SLC18A3: variants seen among roughly 807,000 people sequenced by gnomAD.
SLC18A3 encodes the protein solute carrier family 18 member A3.
Under a neutral mutation model 24.2 loss-of-function variants are expected in SLC18A3, and 18 were observed. That is an observed-to-expected ratio of 0.74 (90% CI 0.51 to 1.10). SLC18A3 has a LOEUF of 1.10. Ranked by LOEUF, SLC18A3 falls within the 50% of genes least tolerant of loss-of-function variation. The pLI is 0.00. For missense variants in SLC18A3, 744 were observed against 750.7 expected, an observed-to-expected ratio of 0.99 and a Z score of 0.10; for synonymous variants, 415 against 355.4, an observed-to-expected ratio of 1.17 and a Z score of -1.89.
At position 49,611,552 on chromosome 10, in the gene SLC18A3, G is replaced by C. The variant is rs1403471491; in HGVS notation, c.812G>C (p.Arg271Pro). ...GCCAAACCCTTCTCGGCGGCTGCACGGGCTCGGGCCAACCTGCCAGTGGGC... is the reference window on the plus strand; with the variant it reads ...GCCAAACCCTTCTCGGCGGCTGCACCGGCTCGGGCCAACCTGCCAGTGGGC... ...AVAKPFSAAA[R>P]ARANLPVGTP... Residue 271 changes from arginine to proline, a missense_variant, in exon 1 of 1, where the codon CGG becomes CCG. Arg to Pro is a moderately radical substitution (Grantham distance 103). Transcript: ENST00000374115. 1.9e-6 allele frequency: 3 copies of C among 1,604,522 alleles called. No individual in the cohort carries two copies. The highest frequency in any genetic ancestry group is 1.1e-5 in the South Asian group (1 of 91,080).
Position 49,612,691 on chromosome 10 carries a change from C to A in SLC18A3, c.*352C>A. The A allele has an allele frequency of 3.6e-6, 1 of 281,480 alleles. No homozygotes were observed. Among genetic ancestry groups the A allele is most frequent in the Non-Finnish European group, 7.0e-6 (1 of 143,652 alleles). The allele number at this position is 281,480 out of a possible 1,614,324, so 17.4% of individuals were successfully genotyped here. On this transcript the variant is annotated 3_prime_UTR_variant, in exon 1 of 1. Transcript: ENST00000374115. ...GGCCGCTGCACCGCGGCGCCTCCGC[C>A]CAAATCAATAAACTGTGTCTGTCCC...
At position 49,611,682 on chromosome 10, in the gene SLC18A3, GTGGA is replaced by G; in HGVS notation, c.945_948del (p.Trp315Ter). On this transcript the variant is annotated frameshift_variant, in exon 1 of 1. Coordinates refer to ENST00000374115, the MANE Select transcript of SLC18A3 (RefSeq NM_003055.3). LOFTEE classifies it high-confidence loss of function. ...CCTTCCTCGAACCCACCATTGCCAC[GTGGA>G]TGAAGCATACGATGGCGGCTTCCGA... 4 of 1,610,760 alleles carry G rather than the reference GTGGA, an allele frequency of 2.5e-6. No individual in the cohort carries two copies. Among genetic ancestry groups the G allele is most frequent in the Non-Finnish European group, 3.4e-6 (4 of 1,179,978 alleles).
Position 49,611,934 on chromosome 10 carries a change from C to G in SLC18A3, c.1194C>G (p.Asp398Glu), listed in dbSNP as rs192440196. 25 of 1,612,566 alleles carry G rather than the reference C, an allele frequency of 1.6e-5. No homozygotes were observed. The East Asian group carries it at 5.4e-4, about 35-fold the overall frequency. ...CGLCFGIALV[D>E]TALLPTLAFL... ...TCTGTTTTGGCATAGCCCTAGTCGACACAGCACTGCTGCCCACGCTCGCCT... is the reference window on the plus strand; with the variant it reads ...TCTGTTTTGGCATAGCCCTAGTCGAGACAGCACTGCTGCCCACGCTCGCCT... The change falls in exon 1 of 1, where the codon GAC becomes GAG. Residue 398 changes from aspartate (D) to glutamate (E), a missense_variant. Around this residue, in one of 3 missense-constraint regions of SLC18A3, gnomAD observed 566 missense variants for 566.2 expected, o/e 1.00. Transcript: ENST00000374115.
Position 49,611,883 on chromosome 10 carries a change from G to T in SLC18A3, c.1143G>T (p.Ala381=), listed in dbSNP as rs777864075. Residue 381 remains alanine (A), a synonymous_variant, in exon 1 of 1, where the codon GCG becomes GCT. Coordinates refer to ENST00000374115, the MANE Select transcript of SLC18A3 (RefSeq NM_003055.3). ...SCIVPACRSF[A]PLVVSLCGLC... The stretch of plus-strand genomic sequence containing the variant: ...TCGTGCCCGCCTGCCGCTCCTTCGC[G>T]CCGCTAGTGGTCTCACTATGCGGCC... 39 of 1,609,582 alleles carry T rather than the reference G, an allele frequency of 2.4e-5. 1 individual carries two copies. In the South Asian group the frequency reaches 3.6e-4, roughly 15 times the overall value.
rs200368763 is a variant in SLC18A3, at chr10:49,612,240, T to C, written c.1500T>C (p.Arg500=). ...PQGLYDAVRL[R]ERPVSGQDGE... ...GTCTGTACGATGCGGTGCGCCTGCG[T>C]GAGCGTCCTGTGTCTGGCCAGGACG... is the stretch of plus-strand genomic sequence containing the variant. The change falls in exon 1 of 1, where the codon CGT becomes CGC. Residue 500 remains arginine (R), a synonymous_variant. Coordinates refer to ENST00000374115, the MANE Select transcript of SLC18A3 (RefSeq NM_003055.3). 1.7e-5 allele frequency: 27 copies of C among 1,609,888 alleles called. No homozygotes were observed. In the Admixed American group the frequency reaches 1.8e-4, roughly 11 times the overall value.
Position 49,610,739 on chromosome 10 carries a change from G to A in SLC18A3, c.-2G>A. On this transcript the variant is annotated 5_prime_UTR_variant, in exon 1 of 1. Transcript: ENST00000374115. The stretch of plus-strand genomic sequence containing the variant: ...TCCTCGGAAGAGCATCGGGGTGGGG[G>A]CATGGAATCCGCGGAACCTGCGGGC... 6.6e-7 allele frequency: 1 copy of A among 1,512,338 alleles called. No individual in the cohort carries two copies. The highest frequency in any genetic ancestry group is 8.8e-7 in the Non-Finnish European group (1 of 1,133,326). The allele number at this position is 1,512,338 out of a possible 1,614,324, so 93.7% of individuals were successfully genotyped here.
In SLC18A3 at chr10:49,612,068, T is replaced by A; in HGVS notation, c.1328T>A (p.Val443Glu). The change falls in exon 1 of 1, where the codon GTG becomes GAG. Residue 443 changes from valine (V) to glutamate (E), a missense_variant. By Grantham distance (121) the Val-to-Glu change is moderately radical. Around this residue, in one of 3 missense-constraint regions of SLC18A3, gnomAD observed 160 missense variants for 140.9 expected, o/e 1.14. Transcript: ENST00000374115. ...GGGCCCATAGTGGCAGGCCACATTG[T>A]GCACTCGCTGGGCTTTGAGCAGCTC... Reference protein sequence around the residue: ...ALGPIVAGHIVHSLGFEQLSL... With the variant: ...ALGPIVAGHIEHSLGFEQLSL... 5.0e-6 allele frequency: 8 copies of A among 1,613,620 alleles called. No homozygotes were observed. The highest frequency in any genetic ancestry group is 6.8e-6 in the Non-Finnish European group (8 of 1,179,966).
rs1350716157 is a variant in SLC18A3 at position 49,612,110 on chromosome 10, T to G, written c.1370T>G (p.Leu457Arg). 6.2e-7 allele frequency: 1 copy of G among 1,612,626 alleles called. No homozygotes were observed. Among genetic ancestry groups the G allele is most frequent in the Non-Finnish European group, 8.5e-7 (1 of 1,179,352 alleles). The change falls in exon 1 of 1, where the codon CTG becomes CGG. Residue 457 changes from leucine (L) to arginine (R), a missense_variant. Coordinates refer to ENST00000374115, the MANE Select transcript of SLC18A3 (RefSeq NM_003055.3). Reference protein sequence around the residue: ...GFEQLSLGMGLANLLYAPVLL... With the variant: ...GFEQLSLGMGRANLLYAPVLL... ...GAGCAGCTCAGCCTTGGCATGGGAC[T>G]GGCCAACCTGCTCTATGCTCCCGTC...
chr10:49,611,699 T>C lies in SLC18A3; in HGVS notation c.959T>C (p.Met320Thr), dbSNP rs1428480896. 4 of 1,609,338 alleles carry C rather than the reference T, an allele frequency of 2.5e-6. No homozygotes were observed. Among genetic ancestry groups the C allele is most frequent in the South Asian group, 1.1e-5 (1 of 91,086 alleles). The change falls in exon 1 of 1, where the codon ATG becomes ACG. Residue 320 changes from methionine to threonine, a missense_variant. By Grantham distance (81) the Met-to-Thr change is moderately conservative (BLOSUM62 -1). This residue lies in a region of SLC18A3 where 566 missense variants were observed against 566.2 expected (regional missense o/e 1.00). Transcript: ENST00000374115. ...PTIATWMKHT[M>T]AASEWEMGMA... Reference sequence around the variant, plus strand: ...ATTGCCACGTGGATGAAGCATACGATGGCGGCTTCCGAGTGGGAGATGGGC... The same window carrying C: ...ATTGCCACGTGGATGAAGCATACGACGGCGGCTTCCGAGTGGGAGATGGGC...
chr10:49,612,167 C>T lies in SLC18A3; in HGVS notation c.1427C>T (p.Thr476Met). ...LLLLRNVGLL[T>M]RSRSERDVLL... The stretch of plus-strand genomic sequence containing the variant: ...CTGCTCCGCAACGTGGGCCTCCTGA[C>T]GCGCTCCCGTTCCGAGCGCGATGTG... Residue 476 changes from threonine to methionine, a missense_variant, in exon 1 of 1, where the codon ACG (threonine) becomes ATG (methionine). This residue lies in a region of SLC18A3 where 160 missense variants were observed against 140.9 expected (regional missense o/e 1.14). Transcript: ENST00000374115. 2 of 1,610,650 alleles carry T rather than the reference C, an allele frequency of 1.2e-6. No individual in the cohort carries two copies. The highest frequency in any genetic ancestry group is 1.1e-5 in the South Asian group (1 of 91,064).
Position 49,611,464 on chromosome 10 carries a change from C to A in SLC18A3, c.724C>A (p.Arg242Ser), listed in dbSNP as rs745662968. Residue 242 changes from arginine to serine, a missense_variant, in exon 1 of 1, where the codon CGC (arginine) becomes AGC (serine). Arg to Ser is a moderately radical substitution (Grantham distance 110). Transcript: ENST00000374115. ...GGILYEFAGK[R>S]VPFLVLAAVS... is the part of the protein sequence containing the mutation. ...CATCCTCTATGAGTTCGCCGGCAAG[C>A]GCGTGCCCTTCTTGGTGCTAGCTGC... 4.4e-6 allele frequency: 7 copies of A among 1,598,938 alleles called. No homozygotes were observed. In the South Asian group the frequency reaches 7.7e-5, roughly 18 times the overall value.
At position 49,612,201 on chromosome 10, in the gene SLC18A3, T is replaced by C. The variant is rs974690319; in HGVS notation, c.1461T>C (p.Asp487=). The part of the protein sequence containing the change: ...RSRSERDVLL[D]EPPQGLYDAV... ...GTTCCGAGCGCGATGTGCTGCTTGA[T>C]GAGCCACCGCAAGGTCTGTACGATG... is the stretch of plus-strand genomic sequence containing the variant. The change falls in exon 1 of 1, where the codon GAT becomes GAC. Residue 487 remains aspartate (D), a synonymous_variant. Transcript: ENST00000374115. 2.5e-6 allele frequency: 4 copies of C among 1,609,260 alleles called. No individual in the cohort carries two copies. In the Admixed American group the frequency reaches 6.7e-5, roughly 27 times the overall value.
Position 49,612,524 on chromosome 10 carries a change from A to G in SLC18A3, c.*185A>G, listed in dbSNP as rs950176615. On this transcript the variant is annotated 3_prime_UTR_variant, in exon 1 of 1. Transcript: ENST00000374115. ...TCCATATCCCTTTCTCTCTTGTCCA[A>G]TGGGGCTTGGAGCACCGAGGCCAGC... The G allele has an allele frequency of 1.9e-5, 12 of 618,632 alleles. No individual in the cohort carries two copies. Among genetic ancestry groups the G allele is most frequent in the South Asian group, 1.9e-4 (7 of 37,302 alleles). 38.3% of individuals were successfully genotyped at this position (618,632 alleles called of 1,614,324 possible).
At position 49,612,339 on chromosome 10, in the gene SLC18A3, G is replaced by A; in HGVS notation, c.1599G>A (p.Ter533=). 1 of 1,580,668 alleles carries A rather than the reference G, an allele frequency of 6.3e-7. No homozygotes were observed. The highest frequency in any genetic ancestry group is 8.6e-7 in the Non-Finnish European group (1 of 1,159,118). Residue 533 remains the stop codon, a stop_retained_variant, in exon 1 of 1, where the codon TAG becomes TAA. Transcript: ENST00000374115. ...DDYNYYYTRS[*] Reference sequence around the variant, plus strand: ...ACAACTACTACTACACCCGCAGCTAGCATCCCCACTCCTCCTCCAGCCCAC... The same window carrying A: ...ACAACTACTACTACACCCGCAGCTAACATCCCCACTCCTCCTCCAGCCCAC...
Position 49,611,385 on chromosome 10 carries a change from C to T in SLC18A3, c.645C>T (p.Gly215=). The part of the protein sequence containing the change: ...PEEPERSRAL[G]VALAFISFGS... ...AGCCGGAGCGCAGTCGTGCACTGGG[C>T]GTGGCGCTGGCCTTCATTAGCTTCG... The change falls in exon 1 of 1, where the codon GGC becomes GGT. Residue 215 remains glycine (G), a synonymous_variant. Coordinates refer to ENST00000374115, the MANE Select transcript of SLC18A3 (RefSeq NM_003055.3). The T allele has an allele frequency of 3.8e-6, 6 of 1,599,082 alleles. No individual in the cohort carries two copies. The highest frequency in any genetic ancestry group is 5.1e-6 in the Non-Finnish European group (6 of 1,179,500).
Position 49,612,545 on chromosome 10 carries a change from C to G in SLC18A3, c.*206C>G, listed in dbSNP as rs1231452895. 8.9e-6 allele frequency: 5 copies of G among 561,910 alleles called. No homozygotes were observed. Among genetic ancestry groups the G allele is most frequent in the Non-Finnish European group, 1.6e-5 (5 of 320,036 alleles). The allele number at this position is 561,910 out of a possible 1,614,324, so 34.8% of individuals were successfully genotyped here. ...TCCAATGGGGCTTGGAGCACCGAGG[C>G]CAGCGAAGCCATCGCGCTCCTTGCG... On this transcript the variant is annotated 3_prime_UTR_variant, in exon 1 of 1. Coordinates refer to ENST00000374115, the MANE Select transcript of SLC18A3 (RefSeq NM_003055.3).
In SLC18A3 at chr10:49,611,604, C is replaced by A. The variant is rs763409979; in HGVS notation, c.864C>A (p.Asp288Glu). 1.9e-6 allele frequency: 3 copies of A among 1,610,934 alleles called. No homozygotes were observed. Among genetic ancestry groups the A allele is most frequent in the Non-Finnish European group, 2.5e-6 (3 of 1,179,984 alleles). ...CTCCCATCCACCGCCTCATGCTAGA[C>A]CCCTACATTGCCGTGGTGGCCGGCG... ...VGTPIHRLML[D>E]PYIAVVAGAL... The change falls in exon 1 of 1, where the codon GAC becomes GAA. Residue 288 changes from aspartate (D) to glutamate (E), a missense_variant. Physicochemically the swap from Asp to Glu is conservative, Grantham distance 45 (BLOSUM62 2). Coordinates refer to ENST00000374115, the MANE Select transcript of SLC18A3 (RefSeq NM_003055.3).
In SLC18A3 at chr10:49,611,435, G is replaced by C; in HGVS notation, c.695G>C (p.Gly232Ala). 2 of 1,597,964 alleles carry C rather than the reference G, an allele frequency of 1.3e-6. No individual in the cohort carries two copies. The highest frequency in any genetic ancestry group is 1.1e-5 in the South Asian group (1 of 90,754). ...SFGSLVAPPF[G>A]GILYEFAGKR... ...GGAAGCCTAGTGGCCCCGCCCTTCG[G>C]GGGCATCCTCTATGAGTTCGCCGGC... Residue 232 changes from glycine (G) to alanine (A), a missense_variant, in exon 1 of 1, where the codon GGG (glycine) becomes GCG (alanine). Gly to Ala is a moderately conservative substitution (Grantham distance 60). Transcript: ENST00000374115.
chr10:49,612,578 A>G lies in SLC18A3; in HGVS notation c.*239A>G, dbSNP rs1333473356. The G allele has an allele frequency of 1.9e-6, 1 of 523,802 alleles. No individual in the cohort carries two copies. The highest frequency in any genetic ancestry group is 3.1e-5 in the East Asian group (1 of 32,000). The allele number at this position is 523,802 out of a possible 1,614,324, so 32.4% of individuals were successfully genotyped here. A position where few individuals can be genotyped will look rare whatever the true frequency, so the allele number is the denominator to read the frequency against. ...GCCATCGCGCTCCTTGCGGAGGTGA[A>G]GAGGACCCTGAGTCCCCACCTGCGG... is the stretch of plus-strand genomic sequence containing the variant. On this transcript the variant is annotated 3_prime_UTR_variant, in exon 1 of 1. Coordinates refer to ENST00000374115, the MANE Select transcript of SLC18A3 (RefSeq NM_003055.3).
Sources: gnomAD v4.1 joint callset for allele counts on GRCh38, gnomAD v4.1.1 for gene constraint, gnomAD v4.1.1 regional missense constraint, MANE v1.5 for transcripts, NCBI Gene and HGNC (gene_info 2026-07-23, HGNC 2026-07-21) for gene names.